CYP4F2: variants seen among roughly 807,000 people sequenced by gnomAD.
CYP4F2 encodes the protein cytochrome P450 family 4 subfamily F member 2, also known as cytochrome P450 4F2.
In CYP4F2, 58 loss-of-function variants were observed where a neutral mutation model predicts 58.9. The ratio of observed to expected loss-of-function variants is 0.98; its 90% confidence interval spans 0.80 to 1.23. The LOEUF is 1.23. CYP4F2 is among the 50% of genes most tolerant of loss of function. The pLI is 0.00. For missense variants in CYP4F2, 616 were observed against 685.6 expected (o/e 0.90, Z 1.13); for synonymous variants, 287 against 261.1 (o/e 1.10, Z -0.95).
At chr19:15,885,798 C>T in intron 9 of CYP4F2, 126 bp downstream of exon 9, 1 of 1,427,686 alleles carries the variant, frequency 7.0e-7, no homozygotes, top group Non-Finnish European at 9.4e-7. Flanking sequence ...GCCTGTGGTC[C>T]TCTGCTCCTA....
chr19:15,885,549 C>T (rs111570514), intron 9 of CYP4F2, among the ~76,000 whole-genome samples: 7 of 152,054 alleles, frequency 4.6e-5, no homozygotes, highest in Admixed American at 1.3e-4. Flanking sequence ...ACCCTGGACT[C>T]GACTGGAGAG....
intron 2 of CYP4F2, among the ~76,000 whole-genome samples, chr19:15,897,025 A>G (rs2089451967): frequency 6.6e-6 from 1 of 152,186 alleles, no homozygotes; most frequent in African/African-American, 2.4e-5. Flanking sequence ...CTGTACCCTC[A>G]TAACAGGAAA....
At chr19:15,881,562 GATGGATAGATA>G (rs1568469917) in intron 9 of CYP4F2, among the ~76,000 whole-genome samples, 2 of 130,052 alleles carry the variant, frequency 1.5e-5, no homozygotes, top group African/African-American at 5.7e-5. Context: ...ATAGATAGAT[GATGGATAGATA>G]GATAGATAGA....
At chr19:15,880,734 A>T (rs1353385094) in intron 9 of CYP4F2, among the ~76,000 whole-genome samples, 6 of 152,194 alleles carry the variant, frequency 3.9e-5, no homozygotes, top group Admixed American at 3.3e-4. Context: ...AGAAACAAAC[A>T]TCAACACGTG....
At chr19:15,892,265 T>C (rs1407264775) in intron 5 of CYP4F2, 44 bp downstream of exon 5, 5 of 1,612,756 alleles carry the variant, frequency 3.1e-6, no homozygotes. Flanking sequence ...TGTTGTCCTT[T>C]CACCCCAAGG....
At position 15,896,233 on chromosome 19, in the gene CYP4F2, G is replaced by GCTATCTATCTAT. The variant is rs10638260; in HGVS notation, c.199-595_199-584dup. On this transcript the variant is annotated intron_variant, in intron 2 of 12. Coordinates refer to ENST00000221700, the MANE Select transcript of CYP4F2 (RefSeq NM_001082.5). ...GTGCATCTATCTATCTATCCTATTA[G>GCTATCTATCTAT]CTATCTATCTATCTATCTATCTATC... 4.2e-3 allele frequency among the ~76,000 whole-genome samples: 619 copies of GCTATCTATCTAT among 148,366 alleles called. 1 individual carries two copies. The highest frequency in any genetic ancestry group is 0.01 in the East Asian group (51 of 4,964).
At position 15,897,489 on chromosome 19, in the gene CYP4F2, G is replaced by GAAGGC; in HGVS notation, c.118_122dup (p.Phe41LeufsTer36). On this transcript the variant is annotated frameshift_variant, in exon 2 of 13. Transcript: ENST00000221700. LOFTEE classifies it high-confidence loss of function. ...ACCGAAGGCGGCGGCAGTTGTCATA[G>GAAGGC]AAGGCGTAGGTCCAGGCCAGGACAT... 1 of 1,614,050 alleles carries GAAGGC rather than the reference G, an allele frequency of 6.2e-7. No individual in the cohort carries two copies. Among genetic ancestry groups the GAAGGC allele is most frequent in the Non-Finnish European group, 8.5e-7 (1 of 1,179,994 alleles).
At position 15,889,534 on chromosome 19, in the gene CYP4F2, G is replaced by A. The variant is rs757015859; in HGVS notation, c.807C>T (p.Ala269=). 12 of 1,614,070 alleles carry A rather than the reference G, an allele frequency of 7.4e-6. No individual in the cohort carries two copies. The highest frequency in any genetic ancestry group is 4.5e-5 in the East Asian group (2 of 44,882). Residue 269 remains alanine (A), a synonymous_variant, in exon 7 of 13, where the codon GCC becomes GCT. Coordinates refer to ENST00000221700, the MANE Select transcript of CYP4F2 (RefSeq NM_001082.5). ...GAGTGCGGCGCCGCTCCTGGATGACGGCATCTGTGAAGTCGTGCACCAGGC... is the reference window on the plus strand; with the variant it reads ...GAGTGCGGCGCCGCTCCTGGATGACAGCATCTGTGAAGTCGTGCACCAGGC... ...ACRLVHDFTD[A]VIQERRRTLP...
rs2089423849 is a variant in CYP4F2, at chr19:15,892,638, G to A, written c.344-56C>T. ...GGAGGCAGGTGAAAGAGGGACTTTG[G>A]GGGTGGGTGGAGGCTCCCAGCAAGA... On this transcript the variant is annotated intron_variant, in intron 3 of 12. Coordinates refer to ENST00000221700, the MANE Select transcript of CYP4F2 (RefSeq NM_001082.5). 4.4e-6 allele frequency: 7 copies of A among 1,589,494 alleles called. No individual in the cohort carries two copies. In the Middle Eastern group the frequency reaches 8.5e-4, roughly 192 times the overall value.
Position 15,888,076 on chromosome 19 carries a change from A to G in CYP4F2, c.918+1347T>C, listed in dbSNP as rs191529859. On this transcript the variant is annotated intron_variant, in intron 7 of 12. Coordinates refer to ENST00000221700, the MANE Select transcript of CYP4F2 (RefSeq NM_001082.5). Reference sequence around the variant, plus strand: ...CACATAGACTGTCACAGACTTAGAAACATGGACACACAAATACACATAAAC... The same window carrying G: ...CACATAGACTGTCACAGACTTAGAAGCATGGACACACAAATACACATAAAC... 3.3e-5 allele frequency among the ~76,000 whole-genome samples: 5 copies of G among 152,330 alleles called. No individual in the cohort carries two copies. In the East Asian group the frequency reaches 7.7e-4, roughly 23 times the overall value.
intron 5 of CYP4F2, among the ~76,000 whole-genome samples, chr19:15,891,256 A>G (rs1248015547): frequency 1.3e-5 from 2 of 152,156 alleles, no homozygotes; most frequent in African/African-American, 4.8e-5. Flanking sequence ...AATGCAATAT[A>G]TGATGTCAGC....
rs984380923 is a variant in CYP4F2, at chr19:15,878,507, G to A, written c.*264C>T. On this transcript the variant is annotated 3_prime_UTR_variant, in exon 13 of 13. Transcript: ENST00000221700. ...TTTTATGGCTGTGTAATACTCCATT[G>A]TATGGATGGACCACATTTTGTTTAT... 25 of 583,322 alleles carry A rather than the reference G, an allele frequency of 4.3e-5. No individual in the cohort carries two copies. Among genetic ancestry groups the A allele is most frequent in the Non-Finnish European group, 7.0e-5 (24 of 342,564 alleles). 36.1% of individuals were successfully genotyped at this position (583,322 alleles called of 1,614,324 possible).
At chr19:15,890,237 T>C in intron 6 of CYP4F2, 75 bp downstream of exon 6, 1 of 1,609,288 alleles carries the variant, frequency 6.2e-7, no homozygotes, top group Admixed American at 1.7e-5. Context: ...CTGGTTTCCC[T>C]GCTTAGTCCT....
chr19:15,885,496 G>A (rs149226253), intron 9 of CYP4F2, among the ~76,000 whole-genome samples: 27 of 152,264 alleles, frequency 1.8e-4, no homozygotes, highest in African/African-American at 4.6e-4. Context: ...CAAGTGTTCC[G>A]GACAAGAATG....
At chr19:15,897,121 G>C (rs372227445) in intron 2 of CYP4F2, among the ~76,000 whole-genome samples, 1 of 152,114 alleles carries the variant, frequency 6.6e-6, no homozygotes. Context: ...CCAGGGACTC[G>C]CCTCTCTGTG....
chr19:15,879,868 G>T lies in CYP4F2; in HGVS notation c.1145C>A (p.Thr382Asn). ...WDDLAHLPFL[T>N]MCMKESLRLH... ...CCGCAGGCTCTCCTTCATGCACATG[G>T]TCAGGAAGGGCAAATGGGCCAGGTC... Residue 382 changes from threonine (T) to asparagine (N), a missense_variant, in exon 10 of 13, where the codon ACC becomes AAC. By Grantham distance (65) the Thr-to-Asn change is moderately conservative (BLOSUM62 0). Transcript: ENST00000221700. The T allele has an allele frequency of 2.5e-6, 4 of 1,614,190 alleles. No individual in the cohort carries two copies. The highest frequency in any genetic ancestry group is 2.5e-6 in the Non-Finnish European group (3 of 1,180,034).
At chr19:15,884,777 C>G (rs1329400118) in intron 9 of CYP4F2, among the ~76,000 whole-genome samples, 1 of 152,170 alleles carries the variant, frequency 6.6e-6, no homozygotes, top group Admixed American at 6.5e-5. Context: ...CCTCTCCTTC[C>G]TCCAGCCCCT....
chr19:15,897,844 A>C, intron 1 of CYP4F2, 182 bp downstream of exon 1: 1 of 505,644 alleles, frequency 2.0e-6, no homozygotes, highest in Non-Finnish European at 3.5e-6. Context: ...AGAGAGAGAG[A>C]CTGATTAAAG....
chr19:15,888,171 C>T (rs950873430), intron 7 of CYP4F2, among the ~76,000 whole-genome samples: 3 of 151,896 alleles, frequency 2.0e-5, no homozygotes, highest in African/African-American at 7.3e-5. Flanking sequence ...CACACAAATA[C>T]ACATAAACAA....
Sources: gnomAD v4.1 joint callset for allele counts (sites outside exome capture counted in the v4.1 genomes callset) on GRCh38, gnomAD v4.1.1 for gene constraint, MANE v1.5 for transcripts, NCBI Gene and HGNC (gene_info 2026-07-23, HGNC 2026-07-21) for gene names.